RNF157: variants seen among roughly 807,000 people sequenced by gnomAD.
The protein encoded by RNF157 is E3 ubiquitin ligase RNF157.
RNF157 carries 55 observed loss-of-function variants against 88.3 expected under a neutral mutation model. That is an observed-to-expected ratio of 0.62 (90% confidence interval 0.50 to 0.78). RNF157 has a LOEUF of 0.78. Ranked by LOEUF, RNF157 falls within the 30% of genes least tolerant of loss-of-function variation. The pLI is 0.00. For missense variants in RNF157, 788 were observed against 860.8 expected (o/e 0.92, Z 1.06); for synonymous variants, 334 against 341.2 (o/e 0.98, Z 0.23).
rs777108561 is a variant in RNF157, at chr17:76,176,271, TA to T, written c.208-2482del. On this transcript the variant is annotated intron_variant, in intron 2 of 18. Transcript: ENST00000269391. The surrounding 1 kb of genome is among the most constrained non-coding windows in gnomAD (Gnocchi z 4.2). ...ATTTTTTTGCCACAAAAGGCAAAAA[TA>T]AAGGAAGTGATCATTTCTGGCTGAG... 6.6e-6 allele frequency among the ~76,000 whole-genome samples: 1 copy of T among 152,090 alleles called. No homozygotes were observed. Among genetic ancestry groups the T allele is most frequent in the Non-Finnish European group, 1.5e-5 (1 of 68,012 alleles).
chr17:76,182,990 C>T (rs2069222897), intron 2 of RNF157, among the ~76,000 whole-genome samples: 3 of 151,788 alleles, frequency 2.0e-5, no homozygotes, highest in Admixed American at 6.6e-5. Flanking sequence ...AGTGCAATGG[C>T]ACGATCTTGG....
At chr17:76,236,542 C>A (rs2070284812) in intron 1 of RNF157, among the ~76,000 whole-genome samples, 1 of 152,192 alleles carries the variant, frequency 6.6e-6, no homozygotes, top group African/African-American at 2.4e-5. Context: ...TAGAACCGTG[C>A]TCTAAATTGC....
chr17:76,147,014 C>T (rs983252915), intron 18 of RNF157: 100 of 985,224 alleles, frequency 1.0e-4, no homozygotes, highest in Admixed American at 3.1e-4. Flanking sequence ...TGCTTGACCC[C>T]AGGGGAACAG....
Position 76,177,764 on chromosome 17 carries a change from G to A in RNF157, c.208-3974C>T, listed in dbSNP as rs543696122. ...AGGTTGGGACCACCAGCTGCAGAGAGGAGCAACCTACTCCAGTGCCTCCTC... is the reference window on the plus strand; with the variant it reads ...AGGTTGGGACCACCAGCTGCAGAGAAGAGCAACCTACTCCAGTGCCTCCTC... On this transcript the variant is annotated intron_variant, in intron 2 of 18. Coordinates refer to ENST00000269391, the MANE Select transcript of RNF157 (RefSeq NM_052916.3). 3.3e-5 allele frequency among the ~76,000 whole-genome samples: 5 copies of A among 152,160 alleles called. No homozygotes were observed. The South Asian group carries it at 1.0e-3, about 31-fold the overall frequency.
intron 3 of RNF157, among the ~76,000 whole-genome samples, chr17:76,172,707 T>C (rs1466657909): frequency 2.0e-5 from 3 of 150,650 alleles, no homozygotes; most frequent in African/African-American, 4.9e-5. Flanking sequence ...GGCTGTTCTA[T>C]ACAAGCATGA....
intron 2 of RNF157, among the ~76,000 whole-genome samples, chr17:76,201,857 T>C (rs540630662): frequency 7.9e-5 from 12 of 152,238 alleles, no homozygotes; most frequent in African/African-American, 2.6e-4. Flanking sequence ...TAATGGCCAT[T>C]AGATATTTTC....
intron 2 of RNF157, among the ~76,000 whole-genome samples, chr17:76,203,636 G>A (rs941296562): frequency 1.3e-5 from 2 of 151,136 alleles, no homozygotes; most frequent in Admixed American, 6.6e-5. Context: ...TATTTTTGTA[G>A]AGACGGGGTT....
At chr17:76,148,549 G>A (rs1254012632) in intron 18 of RNF157, among the ~76,000 whole-genome samples, 36 of 149,668 alleles carry the variant, frequency 2.4e-4, no homozygotes, top group African/African-American at 8.9e-4. Context: ...TTACAGGCGG[G>A]AGCCACCGTG....
chr17:76,238,618 T>C (rs921580018), intron 1 of RNF157, among the ~76,000 whole-genome samples: 3 of 152,216 alleles, frequency 2.0e-5, no homozygotes, highest in Non-Finnish European at 4.4e-5. Flanking sequence ...GCAAACACTA[T>C]TGAAAATTCC....
chr17:76,167,851 T>A lies in RNF157; in HGVS notation c.297-54A>T, dbSNP rs140352908. 125 of 1,550,932 alleles carry A rather than the reference T, an allele frequency of 8.1e-5. No homozygotes were observed. The African/African-American group carries it at 1.6e-3, about 20-fold the overall frequency. On this transcript the variant is annotated intron_variant, in intron 3 of 18. Coordinates refer to ENST00000269391, the MANE Select transcript of RNF157 (RefSeq NM_052916.3). ...GAGTAGCATATCAATATTTTAAAAT[T>A]TACCTTTAAAAAAATTAGCAATATA...
chr17:76,145,332 T>C lies in RNF157; in HGVS notation c.1943A>G (p.Asn648Ser). The change falls in exon 19 of 19, where the codon AAT becomes AGT. Residue 648 changes from asparagine to serine, a missense_variant. Physicochemically the swap from Asn to Ser is conservative, Grantham distance 46. Coordinates refer to ENST00000269391, the MANE Select transcript of RNF157 (RefSeq NM_052916.3). ...CLPGAWQADD[N>S]AVSRNAQRRR... ...GCGCTGGGCATTCCGACTGACGGCA[T>C]TGTCATCAGCCTGCCAGGCACCTGG... 1.2e-6 allele frequency: 2 copies of C among 1,612,932 alleles called. No individual in the cohort carries two copies. Among genetic ancestry groups the C allele is most frequent in the Non-Finnish European group, 8.5e-7 (1 of 1,179,594 alleles).
intron 1 of RNF157, among the ~76,000 whole-genome samples, chr17:76,219,030 T>A (rs1230278400): frequency 6.6e-6 from 1 of 152,054 alleles, no homozygotes; most frequent in Non-Finnish European, 1.5e-5. Flanking sequence ...AAAAGCAGAA[T>A]ATGTTTGCTG....
chr17:76,201,600 A>C (rs2069579586), intron 2 of RNF157, among the ~76,000 whole-genome samples: 1 of 152,200 alleles, frequency 6.6e-6, no homozygotes, highest in Non-Finnish European at 1.5e-5. Context: ...CATTGTTAAC[A>C]GTTCAAAATG....
At chr17:76,180,104 TGA>T (rs1353224283) in intron 2 of RNF157, among the ~76,000 whole-genome samples, 1 of 152,244 alleles carries the variant, frequency 6.6e-6, no homozygotes, top group Admixed American at 6.5e-5. Context: ...AGAGGGAGAC[TGA>T]GAAGCTTTCT....
At chr17:76,172,980 T>C (rs1427281423) in intron 3 of RNF157, among the ~76,000 whole-genome samples, 2 of 152,022 alleles carry the variant, frequency 1.3e-5, no homozygotes, top group Non-Finnish European at 2.9e-5. Flanking sequence ...AGACACATGA[T>C]ATAGGGAATA....
Position 76,162,642 on chromosome 17 carries a change from G to T in RNF157, c.721-19C>A, listed in dbSNP as rs758023050. ...CGTCTACCTGAACAGCAAACAGAAAGGTTCAAGGACAGGCTGTCTCTACTG... is the reference window on the plus strand; with the variant it reads ...CGTCTACCTGAACAGCAAACAGAAATGTTCAAGGACAGGCTGTCTCTACTG... On this transcript the variant is annotated intron_variant, in intron 8 of 18. Transcript: ENST00000269391. 1 of 1,598,240 alleles carries T rather than the reference G, an allele frequency of 6.3e-7. No homozygotes were observed. The highest frequency in any genetic ancestry group is 1.1e-5 in the South Asian group (1 of 89,560).
At chr17:76,222,513 T>C (rs2070003110) in intron 1 of RNF157, among the ~76,000 whole-genome samples, 1 of 152,204 alleles carries the variant, frequency 6.6e-6, no homozygotes, top group South Asian at 2.1e-4. Flanking sequence ...AGTCAGGTTA[T>C]AATGCTGTCA....
intron 1 of RNF157, among the ~76,000 whole-genome samples, chr17:76,225,440 T>A (rs1324978792): frequency 6.6e-6 from 1 of 152,222 alleles, no homozygotes; most frequent in African/African-American, 2.4e-5. Context: ...CTATTCACAA[T>A]TGGGTGTGGC....
intron 2 of RNF157, among the ~76,000 whole-genome samples, chr17:76,181,734 C>T (rs2069191392): frequency 6.6e-6 from 1 of 151,108 alleles, no homozygotes; most frequent in Admixed American, 6.6e-5. Context: ...ATGGTGAAAC[C>T]TCATCTCTAC....
Sources: allele counts gnomAD v4.1 joint callset (sites outside exome capture counted in the v4.1 genomes callset), GRCh38; gene constraint gnomAD v4.1.1; non-coding constraint Gnocchi (gnomAD v3.1); transcripts MANE v1.5; gene names NCBI Gene and HGNC (gene_info 2026-07-23, HGNC 2026-07-21).